The following GRIA1 variants were observed in gnomAD, a reference collection of about 807,000 sequenced individuals.
GRIA1 encodes the protein glutamate receptor 1.
A neutral mutation model predicts 99.2 loss-of-function variants in GRIA1; 31 were observed. The ratio of observed to expected loss-of-function variants is 0.31; its 90% CI spans 0.23 to 0.42. The LOEUF (loss-of-function observed/expected upper bound fraction) is 0.42. Among genes scored for constraint, GRIA1 ranks in the 10% least tolerant of loss-of-function variants. The probability of loss-of-function intolerance (pLI) is 1.00; values close to 1 mark genes in which losing one functional copy is unlikely to be tolerated. For synonymous variants in GRIA1, 438 were observed against 432.4 expected (o/e 1.01, Z -0.16); for missense variants, 782 against 1,157.5 (o/e 0.68, Z 4.71).
intron 7 of GRIA1, among the ~76,000 whole-genome samples, chr5:153,681,172 C>T (rs898890806): frequency 3.3e-5 from 5 of 152,084 alleles, no homozygotes; most frequent in African/African-American, 9.7e-5. Context: ...AGAGAAGGAG[C>T]GTGATAGATA....
intron 2 of GRIA1, among the ~76,000 whole-genome samples, chr5:153,645,490 G>A (rs1754080982): frequency 2.0e-5 from 3 of 152,164 alleles, no homozygotes; most frequent in Non-Finnish European, 4.4e-5. Context: ...ACCAAAAAAA[G>A]GTCTTGGAGG....
At chr5:153,781,369 A>T (rs1442567934) in intron 13 of GRIA1, among the ~76,000 whole-genome samples, 1 of 152,074 alleles carries the variant, frequency 6.6e-6, no homozygotes, top group Non-Finnish European at 1.5e-5. Context: ...AAAAAAAAAA[A>T]ATAGTTGCAT....
chr5:153,720,124 C>T (rs1382312552), intron 11 of GRIA1, among the ~76,000 whole-genome samples: 1 of 152,086 alleles, frequency 6.6e-6, no homozygotes, highest in Non-Finnish European at 1.5e-5. Context: ...AGTTTCTTAT[C>T]TCATCATCTC....
intron 3 of GRIA1, 45 bp from the exon 4 acceptor site, chr5:153,650,285 A>T: frequency 6.5e-7 from 1 of 1,548,984 alleles, no homozygotes; most frequent in African/African-American, 1.5e-5. Flanking sequence ...GGTGCCCACA[A>T]ATCCTGACTG....
intron 2 of GRIA1, among the ~76,000 whole-genome samples, chr5:153,565,086 T>C (rs1311995684): frequency 6.6e-6 from 1 of 152,206 alleles, no homozygotes; most frequent in Non-Finnish European, 1.5e-5. Flanking sequence ...AACCTCTCAG[T>C]CACCCATATA....
intron 2 of GRIA1, among the ~76,000 whole-genome samples, chr5:153,506,360 T>TGTGTGTGTGTGTGTGTGTG (rs1561593677): frequency 2.0e-5 from 3 of 147,248 alleles, no homozygotes; most frequent in African/African-American, 7.5e-5. Flanking sequence ...TGTGTGTGTG[T>TGTGTGTGTGTGTGTGTGTG]TCATACATAT....
chr5:153,558,067 T>G (rs1760808522), intron 2 of GRIA1: 1 of 152,224 alleles, frequency 6.6e-6, no homozygotes, highest in Non-Finnish European at 1.5e-5. Context: ...ACAGTAGGTT[T>G]GTTTAAGCCA....
At chr5:153,677,703 G>A (rs990828192) in intron 7 of GRIA1, among the ~76,000 whole-genome samples, 1 of 152,206 alleles carries the variant, frequency 6.6e-6, no homozygotes, top group Non-Finnish European at 1.5e-5. Flanking sequence ...CCAATCAATT[G>A]GCTATACAAA....
At chr5:153,506,389 G>A (rs561287577) in intron 2 of GRIA1, among the ~76,000 whole-genome samples, 30 of 149,916 alleles carry the variant, frequency 2.0e-4, no homozygotes, top group African/African-American at 7.4e-4. Flanking sequence ...TTTCACAGAG[G>A]AGGAAAATGA....
intron 2 of GRIA1, among the ~76,000 whole-genome samples, chr5:153,538,290 T>A (rs896543425): frequency 1.3e-5 from 2 of 152,212 alleles, no homozygotes; most frequent in African/African-American, 4.8e-5. Context: ...TATTGAGATA[T>A]AATTTATATG....
At position 153,794,696 on chromosome 5, in the gene GRIA1, C is replaced by T. The variant is rs1297353880; in HGVS notation, c.2346C>T (p.Tyr782=). The change falls in exon 14 of 16, where the codon TAC becomes TAT. Residue 782 remains tyrosine, a synonymous_variant. Coordinates refer to ENST00000285900, the MANE Select transcript of GRIA1 (RefSeq NM_000827.4). ...LLDKLKNKWW[Y]DKGECGSGGG... is the part of the protein sequence containing the mutation. ...ACAAATTGAAAAACAAATGGTGGTACGACAAGGGCGAGTGCGGCAGCGGGG... is the reference window on the plus strand; with the variant it reads ...ACAAATTGAAAAACAAATGGTGGTATGACAAGGGCGAGTGCGGCAGCGGGG... 1.1e-5 allele frequency: 18 copies of T among 1,613,110 alleles called. No homozygotes were observed. Among genetic ancestry groups the T allele is most frequent in the East Asian group, 2.2e-5 (1 of 44,890 alleles).
intron 2 of GRIA1, among the ~76,000 whole-genome samples, chr5:153,594,367 A>G (rs1302609720): frequency 4.6e-5 from 7 of 151,970 alleles, no homozygotes; most frequent in African/African-American, 1.7e-4. Flanking sequence ...CCAAGATTCT[A>G]TTTCTTTGAC....
intron 2 of GRIA1, among the ~76,000 whole-genome samples, chr5:153,523,022 C>CTT (rs1352930302): frequency 3.2e-4 from 48 of 150,778 alleles, no homozygotes; most frequent in African/African-American, 1.2e-3. Context: ...TGATATCTCT[C>CTT]TCTCTCTCTC....
At chr5:153,763,881 A>G (rs967458574) in intron 11 of GRIA1, among the ~76,000 whole-genome samples, 5 of 152,224 alleles carry the variant, frequency 3.3e-5, no homozygotes, top group Non-Finnish European at 5.9e-5. Context: ...ATTCCCCACA[A>G]TGGTTGGACT....
intron 2 of GRIA1, among the ~76,000 whole-genome samples, 171 bp from the exon 3 acceptor site, chr5:153,646,757 G>A (rs1227501102): frequency 6.6e-6 from 1 of 152,190 alleles, no homozygotes; most frequent in East Asian, 1.9e-4. Context: ...ATAGACTGGT[G>A]TGTCGAAAGG....
intron 4 of GRIA1, among the ~76,000 whole-genome samples, chr5:153,654,792 G>A (rs575330205): frequency 7.2e-5 from 11 of 152,034 alleles, no homozygotes; most frequent in South Asian, 6.2e-4. Flanking sequence ...GAGAGACACC[G>A]AGCAGAGTAC....
At chr5:153,581,984 C>G (rs1161743019) in intron 2 of GRIA1, among the ~76,000 whole-genome samples, 1 of 152,200 alleles carries the variant, frequency 6.6e-6, no homozygotes, top group Admixed American at 6.5e-5. Flanking sequence ...TCTCAAACTC[C>G]TGGTCTCATG....
At chr5:153,710,227 A>G (rs1759212435) in intron 11 of GRIA1, among the ~76,000 whole-genome samples, 1 of 149,298 alleles carries the variant, frequency 6.7e-6, no homozygotes, top group East Asian at 2.0e-4. Flanking sequence ...TTCTTGTTCA[A>G]AAAAAAAAAA....
At chr5:153,603,465 T>C (rs60479836) in intron 2 of GRIA1, among the ~76,000 whole-genome samples, 5,183 of 152,108 alleles carry the variant, frequency 0.034, 291 homozygotes, top group African/African-American at 0.12. Flanking sequence ...GGTCAAATGG[T>C]ATTTCTAGTT....
Sources: gnomAD v4.1 joint callset for allele counts (sites outside exome capture counted in the v4.1 genomes callset) on GRCh38, gnomAD v4.1.1 for gene constraint, MANE v1.5 for transcripts, NCBI Gene and HGNC (gene_info 2026-07-23, HGNC 2026-07-21) for gene names.